The following CSRNP3 variants were observed in gnomAD, a reference collection of about 807,000 sequenced individuals.
CSRNP3 encodes cysteine and serine rich nuclear protein 3.
In CSRNP3, 12 loss-of-function variants were observed where a neutral mutation model predicts 48.0. The observed-to-expected ratio is 0.25, with a 90% CI of 0.16 to 0.41. The LOEUF is 0.41. Ranked by LOEUF, CSRNP3 falls within the 10% of genes least tolerant of loss-of-function variation. The probability of loss-of-function intolerance (pLI) is 1.00; values close to 1 mark genes in which losing one functional copy is unlikely to be tolerated. For missense variants in CSRNP3, 580 were observed against 724.4 expected, an observed-to-expected ratio of 0.80 and a Z score of 2.29; for synonymous variants, 263 against 269.7, an observed-to-expected ratio of 0.98 and a Z score of 0.24.
intron 3 of CSRNP3, among the ~76,000 whole-genome samples, chr2:165,583,320 TTGAA>T (rs1180847119): frequency 1.3e-5 from 2 of 152,228 alleles, no homozygotes; most frequent in Non-Finnish European, 2.9e-5. Context: ...GGGTAATTGT[TTGAA>T]TGACCTAAAA....
At chr2:165,557,944 A>G (rs2105264901) in intron 3 of CSRNP3, among the ~76,000 whole-genome samples, 1 of 152,360 alleles carries the variant, frequency 6.6e-6, no homozygotes, top group South Asian at 2.1e-4. Flanking sequence ...AAATGGAGTC[A>G]ATATTGTTAG....
chr2:165,637,822 GA>G (rs1206909632), intron 4 of CSRNP3, among the ~76,000 whole-genome samples: 1 of 152,114 alleles, frequency 6.6e-6, no homozygotes. Flanking sequence ...GTAAAAGTTG[GA>G]AAGTTCAAAA....
intron 4 of CSRNP3, among the ~76,000 whole-genome samples, chr2:165,638,951 T>C (rs1188880842): frequency 6.6e-6 from 1 of 151,826 alleles, no homozygotes; most frequent in Non-Finnish European, 1.5e-5. Flanking sequence ...GTTAGGTACC[T>C]GTTGAGCCTC....
chr2:165,480,515 T>G (rs1684026307), intron 1 of CSRNP3, among the ~76,000 whole-genome samples: 1 of 152,074 alleles, frequency 6.6e-6, no homozygotes, highest in Non-Finnish European at 1.5e-5. Flanking sequence ...ATATGTGTGT[T>G]GACTATAATT....
intron 4 of CSRNP3, among the ~76,000 whole-genome samples, chr2:165,610,799 T>TAAGGG (rs1686123378): frequency 6.6e-6 from 1 of 152,176 alleles, no homozygotes; most frequent in African/African-American, 2.4e-5. Flanking sequence ...ATCAATGGAT[T>TAAGGG]CATCAGCATC....
In CSRNP3 at chr2:165,686,009, A is replaced by G. The variant is rs1277969387; in HGVS notation, c.*6256A>G. 2.0e-5 allele frequency: 3 copies of G among 152,094 alleles called. No individual in the cohort carries two copies. The highest frequency in any genetic ancestry group is 1.9e-4 in the East Asian group (1 of 5,194). 9.4% of individuals were successfully genotyped at this position (152,094 alleles called of 1,614,324 possible). On this transcript the variant is annotated 3_prime_UTR_variant, in exon 7 of 7. Coordinates refer to ENST00000651982, the MANE Select transcript of CSRNP3 (RefSeq NM_001172173.2). Reference sequence around the variant, plus strand: ...GTAGAAATTAGCCTTGCCATTGTCTAAGTTAATTTATGTGACCTGATTGAA... The same window carrying G: ...GTAGAAATTAGCCTTGCCATTGTCTGAGTTAATTTATGTGACCTGATTGAA...
rs761772341 is a variant in CSRNP3 at position 165,679,730 on chromosome 2, G to A, written c.1735G>A (p.Val579Met). 18 of 1,613,528 alleles carry A rather than the reference G, an allele frequency of 1.1e-5. No homozygotes were observed. Among genetic ancestry groups the A allele is most frequent in the Admixed American group, 5.0e-5 (3 of 59,986 alleles). Residue 579 changes from valine (V) to methionine (M), a missense_variant, in exon 7 of 7, where the codon GTG becomes ATG. This residue lies in a region of CSRNP3 where 369 missense variants were observed against 380.8 expected (regional missense o/e 0.97). Coordinates refer to ENST00000651982, the MANE Select transcript of CSRNP3 (RefSeq NM_001172173.2). The part of the protein sequence containing the change: ...ILHEECIKSP[V>M]VETVPV ...GCATGAAGAGTGCATCAAATCACCC[G>A]TGGTTGAGACAGTCCCTGTTTAGTA...
chr2:165,655,476 A>G (rs557474071), intron 4 of CSRNP3, among the ~76,000 whole-genome samples: 29 of 152,300 alleles, frequency 1.9e-4, no homozygotes, highest in African/African-American at 7.0e-4. Context: ...AGCACATGGG[A>G]AACACTCCAT....
At chr2:165,498,618 A>G (rs1684312390) in intron 2 of CSRNP3, among the ~76,000 whole-genome samples, 1 of 152,152 alleles carries the variant, frequency 6.6e-6, no homozygotes, top group African/African-American at 2.4e-5. Flanking sequence ...TTAAACTCAA[A>G]AGCACAATTG....
intron 1 of CSRNP3, among the ~76,000 whole-genome samples, chr2:165,486,256 C>T (rs1437885079): frequency 2.6e-5 from 4 of 152,210 alleles, no homozygotes; most frequent in Non-Finnish European, 4.4e-5. Context: ...AAACGGTGCA[C>T]CACGAGACTA....
intron 5 of CSRNP3, among the ~76,000 whole-genome samples, chr2:165,667,993 C>T (rs1687263270): frequency 6.6e-6 from 1 of 152,172 alleles, no homozygotes; most frequent in East Asian, 1.9e-4. Flanking sequence ...ATGTATTAAT[C>T]AATTACTATG....
At chr2:165,472,357 GTGT>G (rs1424335117) in intron 1 of CSRNP3, among the ~76,000 whole-genome samples, 1 of 151,802 alleles carries the variant, frequency 6.6e-6, no homozygotes, top group Non-Finnish European at 1.5e-5. Flanking sequence ...AAAGCTATTT[GTGT>G]TAATGTTAAG....
chr2:165,522,027 G>A (rs1353003519), intron 3 of CSRNP3, among the ~76,000 whole-genome samples: 1 of 151,992 alleles, frequency 6.6e-6, no homozygotes. Flanking sequence ...ATGGTGGCTC[G>A]TGCCTGTAAT....
chr2:165,533,554 T>G (rs1684843449), intron 3 of CSRNP3, among the ~76,000 whole-genome samples: 1 of 152,086 alleles, frequency 6.6e-6, no homozygotes, highest in Admixed American at 6.6e-5. Flanking sequence ...GGTTTATTGA[T>G]GCAGTGGGAC....
At chr2:165,609,233 A>G (rs1258062775) in intron 4 of CSRNP3, among the ~76,000 whole-genome samples, 1 of 151,578 alleles carries the variant, frequency 6.6e-6, no homozygotes, top group East Asian at 2.0e-4. Flanking sequence ...AGGCAGGAGG[A>G]TCACGAGGTC....
chr2:165,589,921 A>C (rs1685689794), intron 3 of CSRNP3, among the ~76,000 whole-genome samples: 1 of 152,162 alleles, frequency 6.6e-6, no homozygotes, highest in Admixed American at 6.5e-5. Context: ...AACTGCTCCC[A>C]TTGCAATATC....
intron 4 of CSRNP3, among the ~76,000 whole-genome samples, chr2:165,638,769 A>G (rs1465596072): frequency 6.6e-6 from 1 of 152,172 alleles, no homozygotes; most frequent in Non-Finnish European, 1.5e-5. Flanking sequence ...TTTGAATGTT[A>G]TTTTTTGTCA....
intron 3 of CSRNP3, among the ~76,000 whole-genome samples, chr2:165,552,665 C>T (rs1278132246): frequency 6.6e-6 from 1 of 151,936 alleles, no homozygotes; most frequent in Non-Finnish European, 1.5e-5. Flanking sequence ...GTTTTTCTCT[C>T]TCTAATACCA....
chr2:165,604,653 A>C (rs1685978638), intron 4 of CSRNP3, among the ~76,000 whole-genome samples: 1 of 152,234 alleles, frequency 6.6e-6, no homozygotes, highest in Non-Finnish European at 1.5e-5. Flanking sequence ...TTTACCAGGC[A>C]GAAACATCAC....
Sources: gnomAD v4.1 joint callset for allele counts (sites outside exome capture counted in the v4.1 genomes callset) on GRCh38, gnomAD v4.1.1 for gene constraint, gnomAD v4.1.1 regional missense constraint, MANE v1.5 for transcripts, NCBI Gene and HGNC (gene_info 2026-07-23, HGNC 2026-07-21) for gene names.